Variants in CYTH3 observed in about 807,000 individuals in gnomAD.
CYTH3 encodes the protein cytohesin 3, also known as cytohesin-3.
A neutral mutation model predicts 55.1 loss-of-function variants in CYTH3; 23 were observed. That is an observed-to-expected ratio of 0.42 (90% CI 0.30 to 0.59). The LOEUF is 0.59. Among genes scored for constraint, CYTH3 ranks in the 20% least tolerant of loss-of-function variants. The pLI is 0.20. For missense variants in CYTH3, 413 were observed against 524.8 expected, an observed-to-expected ratio of 0.79 and a Z score of 2.08; for synonymous variants, 249 against 194.9, an observed-to-expected ratio of 1.28 and a Z score of -2.31.
In CYTH3 at chr7:6,217,329, C is replaced by A. The variant is rs567221821; in HGVS notation, c.35-26798G>T. Reference sequence around the variant, plus strand: ...CTAGATGCTGTCTACAAAAAACTCACTTCAAATACACGTATTTTATATTCG... The same window carrying A: ...CTAGATGCTGTCTACAAAAAACTCAATTCAAATACACGTATTTTATATTCG... On this transcript the variant is annotated intron_variant, in intron 1 of 12. Transcript: ENST00000350796. Among the ~76,000 whole-genome samples the A allele has an allele frequency of 1.8e-4, 28 of 152,222 alleles. 1 individual carries two copies. In the South Asian group the frequency reaches 2.9e-3, roughly 16 times the overall value.
intron 1 of CYTH3, among the ~76,000 whole-genome samples, chr7:6,260,769 C>T (rs998945028): frequency 6.6e-6 from 1 of 152,130 alleles, no homozygotes; most frequent in African/African-American, 2.4e-5. Flanking sequence ...TGTCCTCAGT[C>T]CTAGGATTTT....
intron 1 of CYTH3, among the ~76,000 whole-genome samples, chr7:6,250,052 A>G (rs2115046235): frequency 6.6e-6 from 1 of 152,006 alleles, no homozygotes; most frequent in South Asian, 2.1e-4. Context: ...ATTTGTCGAG[A>G]TTTTGGGGTG....
intron 1 of CYTH3, among the ~76,000 whole-genome samples, chr7:6,262,083 C>T (rs779484658): frequency 2.6e-5 from 4 of 152,064 alleles, no homozygotes; most frequent in South Asian, 2.1e-4. Flanking sequence ...AGTTCAACAG[C>T]AATTACAGCT....
At chr7:6,218,756 T>A (rs990969512) in intron 1 of CYTH3, among the ~76,000 whole-genome samples, 1 of 152,022 alleles carries the variant, frequency 6.6e-6, no homozygotes, top group Non-Finnish European at 1.5e-5. Flanking sequence ...TCTGTAATCC[T>A]AGCACTTTGG....
chr7:6,176,456 T>C (rs1783354428), intron 5 of CYTH3, among the ~76,000 whole-genome samples: 1 of 151,796 alleles, frequency 6.6e-6, no homozygotes, highest in South Asian at 2.1e-4. Flanking sequence ...AGAGGTGAGG[T>C]TTCACCATGT....
chr7:6,166,953 G>C (rs1002201719), intron 9 of CYTH3, among the ~76,000 whole-genome samples: 1 of 152,076 alleles, frequency 6.6e-6, no homozygotes, highest in Non-Finnish European at 1.5e-5. Flanking sequence ...CCCTGGTCTG[G>C]GCAAATCTGC....
At chr7:6,257,823 T>C (rs749944090) in intron 1 of CYTH3, among the ~76,000 whole-genome samples, 15 of 152,178 alleles carry the variant, frequency 9.9e-5, no homozygotes, top group Non-Finnish European at 2.9e-5. Flanking sequence ...GAGGGGTATT[T>C]ACTGTCCCAC....
intron 1 of CYTH3, among the ~76,000 whole-genome samples, chr7:6,225,794 C>T (rs1726371331): frequency 6.6e-6 from 1 of 152,062 alleles, no homozygotes; most frequent in Non-Finnish European, 1.5e-5. Context: ...GTTCTCCTGC[C>T]TCAGGCTCCT....
intron 1 of CYTH3, among the ~76,000 whole-genome samples, chr7:6,250,089 A>G (rs1157869028): frequency 1.3e-5 from 2 of 152,100 alleles, no homozygotes; most frequent in Admixed American, 1.3e-4. Context: ...TTGTTGTCCT[A>G]TGTCCACCAC....
At chr7:6,190,348 T>G in intron 2 of CYTH3, 101 bp downstream of exon 2, 8 of 687,626 alleles carry the variant, frequency 1.2e-5, no homozygotes, top group East Asian at 9.5e-5. Context: ...GTTTTTGGGT[T>G]TTTTTTTTTT....
At chr7:6,188,007 T>TG (rs66602423) in intron 2 of CYTH3, among the ~76,000 whole-genome samples, 8,824 of 151,326 alleles carry the variant, frequency 0.058, 828 homozygotes, top group African/African-American at 0.2. Flanking sequence ...GCAAGCACAC[T>TG]GGGGGGGGAA....
At chr7:6,255,596 G>A (rs1399311870) in intron 1 of CYTH3, among the ~76,000 whole-genome samples, 2 of 151,994 alleles carry the variant, frequency 1.3e-5, no homozygotes, top group Admixed American at 1.3e-4. Flanking sequence ...AGTAGTCCTG[G>A]GGGTCCAGCA....
At position 6,170,392 on chromosome 7, in the gene CYTH3, G is replaced by A. The variant is rs980537411; in HGVS notation, c.823+143C>T. 1.3e-6 allele frequency: 1 copy of A among 743,026 alleles called. No individual in the cohort carries two copies. Among genetic ancestry groups the A allele is most frequent in the African/African-American group, 1.8e-5 (1 of 56,252 alleles). 46.0% of individuals were successfully genotyped at this position (743,026 alleles called of 1,614,324 possible). On this transcript the variant is annotated intron_variant, in intron 9 of 12. Transcript: ENST00000350796. This position sits in a 1 kb window ranked among gnomAD's most constrained non-coding sequence, Gnocchi z 7.8. ...AGCCGTGGCCATGCAGCTACCGAGA[G>A]CGGGCTCTGGCTTAACCGCGTTTCT... is the stretch of plus-strand genomic sequence containing the variant.
chr7:6,205,814 C>T (rs749597626), intron 1 of CYTH3, among the ~76,000 whole-genome samples: 3 of 129,564 alleles, frequency 2.3e-5, no homozygotes, highest in Admixed American at 9.6e-5. Flanking sequence ...TTTGAGGCTG[C>T]AGTGAGCTAT....
Position 6,173,738 on chromosome 7 carries a change from G to A in CYTH3, c.369-5C>T. ...ACTTTAATATTAAATTCATCCCTGG[G>A]AAAAAAAGAAGTAAGTTTCAAACCT... is the stretch of plus-strand genomic sequence containing the variant. On this transcript the variant is annotated splice_polypyrimidine_tract_variant and splice_region_variant and intron_variant, in intron 5 of 12. Transcript: ENST00000350796. 1 of 1,567,464 alleles carries A rather than the reference G, an allele frequency of 6.4e-7. No homozygotes were observed.
chr7:6,189,976 C>T (rs1783755685), intron 2 of CYTH3, among the ~76,000 whole-genome samples: 1 of 152,096 alleles, frequency 6.6e-6, no homozygotes, highest in Admixed American at 6.6e-5. Context: ...GCAAAGGATG[C>T]AGTGAGCCCA....
In CYTH3 at chr7:6,183,911, C is replaced by T. The variant is rs78853955; in HGVS notation, c.249+3139G>A. 6.7e-4 allele frequency among the ~76,000 whole-genome samples: 102 copies of T among 152,164 alleles called. 1 individual carries two copies. The highest frequency in any genetic ancestry group is 2.4e-3 in the African/African-American group (98 of 41,508). ...CCTTACTCCCCAGCATGTGAGGATA[C>T]AGCAAGAAGGCGGCTACTAGCAAGC... On this transcript the variant is annotated intron_variant, in intron 4 of 12. Coordinates refer to ENST00000350796, the MANE Select transcript of CYTH3 (RefSeq NM_004227.4).
intron 6 of CYTH3, chr7:6,172,776 C>G (rs1347108034): frequency 1.6e-6 from 2 of 1,269,410 alleles, no homozygotes; most frequent in Admixed American, 4.8e-5. Context: ...GAAACGCAAT[C>G]TGATAAGCCT....
At chr7:6,259,820 A>AT (rs1166099594) in intron 1 of CYTH3, among the ~76,000 whole-genome samples, 2 of 26,040 alleles carry the variant, frequency 7.7e-5, no homozygotes, top group Non-Finnish European at 5.3e-5. Context: ...TATAATATAT[A>AT]TATATATATA....
Sources: allele counts gnomAD v4.1 joint callset (sites outside exome capture counted in the v4.1 genomes callset), GRCh38; gene constraint gnomAD v4.1.1; non-coding constraint Gnocchi (gnomAD v3.1); transcripts MANE v1.5; gene names NCBI Gene and HGNC (gene_info 2026-07-23, HGNC 2026-07-21).